NTRK3: variants seen among roughly 807,000 people sequenced by gnomAD.
NTRK3 encodes NT-3 growth factor receptor.
In NTRK3, 24 loss-of-function variants were observed where a neutral mutation model predicts 91.7. The ratio of observed to expected loss-of-function variants is 0.26; its 90% confidence interval spans 0.19 to 0.37. The LOEUF (loss-of-function observed/expected upper bound fraction) is 0.37. Among genes scored for constraint, NTRK3 ranks in the 10% least tolerant of loss-of-function variants. NTRK3 has a pLI of 1.00. For synonymous variants in NTRK3, 483 were observed against 404.0 expected (o/e 1.20, Z -2.34); for missense variants, 880 against 1,068.9 (o/e 0.82, Z 2.46).
chr15:88,109,526 G>A (rs2051091873), intron 13 of NTRK3, among the ~76,000 whole-genome samples: 1 of 152,296 alleles, frequency 6.6e-6, no homozygotes, highest in South Asian at 2.1e-4. Context: ...CAGTGCCAGA[G>A]ACGTCGTGGG....
intron 14 of NTRK3, among the ~76,000 whole-genome samples, chr15:88,018,728 G>A (rs2077408517): frequency 6.6e-6 from 1 of 152,044 alleles, no homozygotes; most frequent in South Asian, 2.1e-4. Flanking sequence ...AGTAATAGAA[G>A]CTACCTCATA....
chr15:88,170,237 G>T (rs994215845), intron 5 of NTRK3, among the ~76,000 whole-genome samples: 1 of 152,216 alleles, frequency 6.6e-6, no homozygotes, highest in Non-Finnish European at 1.5e-5. Flanking sequence ...AGCTTCAAGG[G>T]CAGGGGGAAT....
chr15:88,231,601 C>G (rs1324646868), intron 3 of NTRK3, among the ~76,000 whole-genome samples: 1 of 152,126 alleles, frequency 6.6e-6, no homozygotes, highest in Admixed American at 6.6e-5. Flanking sequence ...GGTGTTTCTG[C>G]CTCGATTTCA....
chr15:88,187,128 T>C (rs938494083), intron 3 of NTRK3, among the ~76,000 whole-genome samples: 36 of 152,130 alleles, frequency 2.4e-4, no homozygotes, highest in African/African-American at 7.5e-4. Context: ...TTGTTCTCAG[T>C]TTTCAAGCTA....
intron 14 of NTRK3, among the ~76,000 whole-genome samples, chr15:87,982,357 G>A (rs1208511842): frequency 3.3e-5 from 5 of 151,404 alleles, no homozygotes; most frequent in African/African-American, 9.8e-5. Context: ...AGTGGACACT[G>A]GTAAAGGGGT....
intron 13 of NTRK3, among the ~76,000 whole-genome samples, chr15:88,038,021 C>T (rs775353780): frequency 6.6e-6 from 1 of 152,244 alleles, no homozygotes; most frequent in Non-Finnish European, 1.5e-5. Flanking sequence ...CCTGAAAGTG[C>T]AGACTGTGGG....
chr15:87,978,299 G>C (rs1231938625), intron 14 of NTRK3: 5 of 230,620 alleles, frequency 2.2e-5, no homozygotes, highest in Non-Finnish European at 2.6e-5. Context: ...ATATTGACCA[G>C]AGAACAGGAG....
At position 87,979,109 on chromosome 15, in the gene NTRK3, C is replaced by A. The variant is rs527694846; in HGVS notation, c.1586-38356G>T. ...CTAAAGATAGTGGCAGGAGCTGCCT[C>A]GTAGGCCGGGAAAAAAGGAGCACAG... is the stretch of plus-strand genomic sequence containing the variant. On this transcript the variant is annotated intron_variant, in intron 14 of 18. Transcript: ENST00000394480. 1.0e-5 allele frequency: 6 copies of A among 597,348 alleles called. No individual in the cohort carries two copies. The East Asian group carries it at 1.4e-4, about 14-fold the overall frequency. The allele number at this position is 597,348 out of a possible 1,614,324, so 37.0% of individuals were successfully genotyped here.
intron 13 of NTRK3, among the ~76,000 whole-genome samples, chr15:88,087,028 T>C (rs2048565352): frequency 6.6e-6 from 1 of 152,226 alleles, no homozygotes; most frequent in Non-Finnish European, 1.5e-5. Flanking sequence ...ATCACTGCAT[T>C]GGGTCACAGA....
chr15:88,122,739 A>T lies in NTRK3; in HGVS notation c.1396+3532T>A, dbSNP rs546906501. On this transcript the variant is annotated intron_variant, in intron 13 of 18. Transcript: ENST00000394480. Reference sequence around the variant, plus strand: ...CTCAGATGTGGATGGGGAATTGTTTATGAGTTTTCCCTATCATCATCTCTC... The same window carrying T: ...CTCAGATGTGGATGGGGAATTGTTTTTGAGTTTTCCCTATCATCATCTCTC... Among the ~76,000 whole-genome samples the T allele has an allele frequency of 3.3e-5, 5 of 152,150 alleles. No homozygotes were observed. The South Asian group carries it at 1.0e-3, about 32-fold the overall frequency.
chr15:88,132,382 C>G (rs1455731868), intron 10 of NTRK3, among the ~76,000 whole-genome samples: 2 of 152,186 alleles, frequency 1.3e-5, no homozygotes, highest in African/African-American at 4.8e-5. Context: ...TATTATCATT[C>G]CCATTTCATG....
chr15:87,974,757 C>A (rs749361381), intron 14 of NTRK3, among the ~76,000 whole-genome samples: 22 of 152,188 alleles, frequency 1.4e-4, no homozygotes, highest in Admixed American at 2.0e-4. Context: ...GAGGAAAGAA[C>A]GTTGCAGATG....
intron 14 of NTRK3, among the ~76,000 whole-genome samples, chr15:88,007,985 T>G (rs181456916): frequency 6.6e-6 from 1 of 152,322 alleles, no homozygotes; most frequent in Admixed American, 6.5e-5. Context: ...AGGAATTATC[T>G]ACTGGGATGA....
intron 14 of NTRK3, chr15:87,979,339 G>T (rs2141345630): frequency 6.3e-7 from 1 of 1,589,464 alleles, no homozygotes. Context: ...GGCTTAAAAG[G>T]AGTTTTTAAA....
chr15:88,040,355 C>G (rs954739548), intron 13 of NTRK3, among the ~76,000 whole-genome samples: 2 of 152,202 alleles, frequency 1.3e-5, no homozygotes, highest in Non-Finnish European at 2.9e-5. Flanking sequence ...ACCATGAGGA[C>G]CTGTGGGTAC....
chr15:88,152,491 G>A (rs748935896), intron 5 of NTRK3, among the ~76,000 whole-genome samples: 1 of 152,076 alleles, frequency 6.6e-6, no homozygotes, highest in Non-Finnish European at 1.5e-5. Flanking sequence ...AAAGTCACAG[G>A]GAGGAGAAAA....
chr15:88,190,036 C>A (rs184742846), intron 3 of NTRK3, among the ~76,000 whole-genome samples: 2 of 152,146 alleles, frequency 1.3e-5, no homozygotes, highest in African/African-American at 4.8e-5. Context: ...AGGGACAAGG[C>A]ACCCTTTACC....
chr15:88,228,221 C>T (rs1247380573), intron 3 of NTRK3, among the ~76,000 whole-genome samples: 1 of 152,174 alleles, frequency 6.6e-6, no homozygotes, highest in East Asian at 1.9e-4. Flanking sequence ...AGAATCCATG[C>T]ATGCCCCCTC....
At chr15:87,931,551 T>C (rs1051354101) in intron 16 of NTRK3, among the ~76,000 whole-genome samples, 2 of 152,222 alleles carry the variant, frequency 1.3e-5, no homozygotes, top group African/African-American at 4.8e-5. Flanking sequence ...ATTTAATAAC[T>C]TGCTCCAATT....
Sources: gnomAD v4.1 joint callset for allele counts (sites outside exome capture counted in the v4.1 genomes callset) on GRCh38, gnomAD v4.1.1 for gene constraint, MANE v1.5 for transcripts, NCBI Gene and HGNC (gene_info 2026-07-23, HGNC 2026-07-21) for gene names.